The following XIAP variants were observed in gnomAD, a reference collection of about 807,000 sequenced individuals.
The protein encoded by XIAP is X-linked inhibitor of apoptosis.
Under a neutral mutation model 33.1 loss-of-function variants are expected in XIAP, and 3 were observed. The observed-to-expected ratio is 0.09, with a 90% CI of 0.04 to 0.23. The LOEUF (loss-of-function observed/expected upper bound fraction) is 0.23, where lower values mean the gene tolerates loss of function less well. XIAP is among the 10% of genes least tolerant of loss of function. XIAP has a pLI of 1.00. For synonymous variants in XIAP, 98 were observed against 121.3 expected (o/e 0.81, Z 1.26); for missense variants, 264 against 363.0 (o/e 0.73, Z 2.22).
chrX:123,879,557 C>A (rs896464426), intron 1 of XIAP, among the ~76,000 whole-genome samples: 1 of 107,508 alleles, frequency 9.3e-6, no homozygotes, highest in South Asian at 4.3e-4. Flanking sequence ...CCTCGTGATC[C>A]GCCTGCCTTG....
intron 5 of XIAP, among the ~76,000 whole-genome samples, chrX:123,898,995 C>G (rs2053485367): frequency 9.9e-6 from 1 of 101,279 alleles, no homozygotes; most frequent in African/African-American, 3.6e-5. Context: ...GTGGTGCATG[C>G]CTGTAATCCC....
At chrX:123,889,821 T>C (rs1226916529) in intron 3 of XIAP, among the ~76,000 whole-genome samples, 2 of 109,969 alleles carry the variant, frequency 1.8e-5, no homozygotes, top group African/African-American at 6.6e-5. Flanking sequence ...GCTTGGCCTC[T>C]AGATTATCCA....
At chrX:123,889,832 A>G (rs73551872) in intron 3 of XIAP, among the ~76,000 whole-genome samples, 2,207 of 109,462 alleles carry the variant, frequency 0.02, 50 homozygotes, top group African/African-American at 0.069. Flanking sequence ...AGATTATCCA[A>G]TTTTTAAATA....
chrX:123,908,288 T>C lies in XIAP; in HGVS notation c.*1107T>C, dbSNP rs1473262899. On this transcript the variant is annotated 3_prime_UTR_variant, in exon 7 of 7. Transcript: ENST00000371199. ...GTTTTTTGACAGGTAGACCATGTCT[T>C]ATCTTGTTTCAAAATAAGTATTTCT... is the stretch of plus-strand genomic sequence containing the variant. 1.1e-5 allele frequency: 4 copies of C among 364,530 alleles called. No individual in the cohort carries two copies. The highest frequency in any genetic ancestry group is 1.0e-4 in the African/African-American group (4 of 39,317). 30.0% of individuals were successfully genotyped at this position (364,530 alleles called of 1,213,427 possible).
rs1366395763 is a variant in XIAP at position 123,911,458 on chromosome X, C to T, written c.*4277C>T. On this transcript the variant is annotated 3_prime_UTR_variant, in exon 7 of 7. Coordinates refer to ENST00000371199, the MANE Select transcript of XIAP (RefSeq NM_001167.4). ...TGCCATTGCACTCCAGCCTGGGCAACAAGAGCAAAACTCTGTCTCAAAAAA... is the reference window on the plus strand; with the variant it reads ...TGCCATTGCACTCCAGCCTGGGCAATAAGAGCAAAACTCTGTCTCAAAAAA... The T allele has an allele frequency of 7.5e-6, 2 of 266,529 alleles. No homozygotes were observed. Among genetic ancestry groups the T allele is most frequent in the Non-Finnish European group, 1.4e-5 (2 of 146,861 alleles). The allele number at this position is 266,529 out of a possible 1,213,427, so 22.0% of individuals were successfully genotyped here.
Position 123,913,462 on chromosome X carries a change from T to G in XIAP, c.*6281T>G. On this transcript the variant is annotated 3_prime_UTR_variant, in exon 7 of 7. Coordinates refer to ENST00000371199, the MANE Select transcript of XIAP (RefSeq NM_001167.4). ...TCCAGCCTAGGTGATAGAGTGAGAC[T>G]CCCTCTCAAAAACAAAACAAAACAA... is the stretch of plus-strand genomic sequence containing the variant. 1 of 328,881 alleles carries G rather than the reference T, an allele frequency of 3.0e-6. No homozygotes were observed. The allele number at this position is 328,881 out of a possible 1,213,427, so 27.1% of individuals were successfully genotyped here. A position where few individuals can be genotyped will look rare whatever the true frequency, so the allele number is the denominator to read the frequency against.
chrX:123,880,902 T>G lies in XIAP; in HGVS notation c.-32-4729T>G, dbSNP rs1042794792. ...CTTGGCACCTCCTGGTGGCTCTCTT[T>G]ACGCAGTTGACTGGACTAAATGTAT... On this transcript the variant is annotated intron_variant, in intron 1 of 6. Transcript: ENST00000371199. Among the ~76,000 whole-genome samples, 6 of 110,644 alleles carry G rather than the reference T, an allele frequency of 5.4e-5. No individual in the cohort carries two copies. The East Asian group carries it at 1.4e-3, about 26-fold the overall frequency.
intron 2 of XIAP, among the ~76,000 whole-genome samples, chrX:123,887,339 C>T (rs371455591): frequency 8.0e-5 from 9 of 112,320 alleles, no homozygotes; most frequent in East Asian, 2.8e-4. Context: ...TGAGCCACTG[C>T]GCCGGCCATA....
At chrX:123,860,937 C>A (rs1015564548) in intron 1 of XIAP, among the ~76,000 whole-genome samples, 7 of 111,793 alleles carry the variant, frequency 6.3e-5, no homozygotes, top group African/African-American at 2.3e-4. Flanking sequence ...TTTTAATAAT[C>A]TAGTAGTTTG....
chrX:123,884,287 C>T (rs1388251985), intron 1 of XIAP, among the ~76,000 whole-genome samples: 1 of 111,209 alleles, frequency 9.0e-6, no homozygotes, highest in Non-Finnish European at 1.9e-5. Context: ...AGTTCAAGAC[C>T]AGCCTGACCA....
chrX:123,860,384 G>C (rs1213840477), intron 1 of XIAP, 91 bp downstream of exon 1: 2 of 306,763 alleles, frequency 6.5e-6, no homozygotes, highest in Non-Finnish European at 1.3e-5. Context: ...CACTTCCCTC[G>C]GGCCGGCGCT....
rs770195580 is a variant in XIAP, at chrX:123,913,643, C to A, written c.*6462C>A. The A allele has an allele frequency of 5.3e-5, 17 of 323,469 alleles. No individual in the cohort carries two copies. The highest frequency in any genetic ancestry group is 4.4e-4 in the South Asian group (16 of 36,562). 26.7% of individuals were successfully genotyped at this position (323,469 alleles called of 1,213,427 possible). A position where few individuals can be genotyped will look rare whatever the true frequency, so the allele number is the denominator to read the frequency against. On this transcript the variant is annotated 3_prime_UTR_variant, in exon 7 of 7. Transcript: ENST00000371199. ...AATTACTATATATGTTACCATTTTT[C>A]TGGATTTAGTAAGAAATTTGCAGTT... is the stretch of plus-strand genomic sequence containing the variant.
rs749652297 is a variant in XIAP at position 123,881,235 on chromosome X, T to C, written c.-32-4396T>C. 7.2e-5 allele frequency among the ~76,000 whole-genome samples: 8 copies of C among 111,465 alleles called. No individual in the cohort carries two copies. The South Asian group carries it at 3.0e-3, about 42-fold the overall frequency. ...CATACTTTATTGCACCCACACCTTT[T>C]CACTTCAAAAACCTTTTTGTCACCC... is the stretch of plus-strand genomic sequence containing the variant. On this transcript the variant is annotated intron_variant, in intron 1 of 6. Transcript: ENST00000371199.
intron 1 of XIAP, 24 bp from the exon 2 acceptor site, chrX:123,885,607 C>T: frequency 8.6e-7 from 1 of 1,164,795 alleles, no homozygotes; most frequent in Non-Finnish European, 1.2e-6. Flanking sequence ...TTTTGGATTT[C>T]CTAATATAAT....
chrX:123,867,968 G>A (rs1008701183), intron 1 of XIAP, among the ~76,000 whole-genome samples: 1 of 111,551 alleles, frequency 9.0e-6, no homozygotes, highest in Non-Finnish European at 1.9e-5. Context: ...GAGCCACTGC[G>A]CCCAGCCTGA....
At chrX:123,875,494 C>T (rs933753114) in intron 1 of XIAP, among the ~76,000 whole-genome samples, 1 of 111,975 alleles carries the variant, frequency 8.9e-6, no homozygotes, top group Non-Finnish European at 1.9e-5. Flanking sequence ...GCTTCATACT[C>T]TCCAGCCACT....
At chrX:123,898,435 T>G (rs1463258673) in intron 5 of XIAP, among the ~76,000 whole-genome samples, 2 of 111,601 alleles carry the variant, frequency 1.8e-5, no homozygotes, top group Non-Finnish European at 3.8e-5. Context: ...CGATCTCGGC[T>G]CACCGCAACC....
chrX:123,899,718 G>GTTTTTT (rs34067902), intron 5 of XIAP, among the ~76,000 whole-genome samples: 7 of 100,601 alleles, frequency 7.0e-5, no homozygotes, highest in Non-Finnish European at 6.1e-5. Context: ...TGTGGCAATA[G>GTTTTTT]TTTTTTTTTT....
At position 123,910,665 on chromosome X, in the gene XIAP, C is replaced by G. The variant is rs945505528; in HGVS notation, c.*3484C>G. Reference sequence around the variant, plus strand: ...CAGGTGGATCACGAGGTCAGGAGATCGAGACCATCCTGGCTAACACGGTGA... The same window carrying G: ...CAGGTGGATCACGAGGTCAGGAGATGGAGACCATCCTGGCTAACACGGTGA... On this transcript the variant is annotated 3_prime_UTR_variant, in exon 7 of 7. Coordinates refer to ENST00000371199, the MANE Select transcript of XIAP (RefSeq NM_001167.4). The G allele has an allele frequency of 3.1e-6, 1 of 319,106 alleles. No individual in the cohort carries two copies. Among genetic ancestry groups the G allele is most frequent in the Non-Finnish European group, 6.1e-6 (1 of 165,033 alleles). 26.3% of individuals were successfully genotyped at this position (319,106 alleles called of 1,213,427 possible).
Sources: allele counts gnomAD v4.1 joint callset (sites outside exome capture counted in the v4.1 genomes callset), GRCh38; gene constraint gnomAD v4.1.1; transcripts MANE v1.5; gene names NCBI Gene and HGNC (gene_info 2026-07-23, HGNC 2026-07-21).